Variants in EGFR observed in about 807,000 individuals in gnomAD.
EGFR encodes avian erythroblastic leukemia viral (v-erb-b) oncogene homolog.
Under a neutral mutation model 143.0 loss-of-function variants are expected in EGFR, and 58 were observed. The observed-to-expected ratio is 0.41, with a 90% CI of 0.33 to 0.50. The LOEUF (loss-of-function observed/expected upper bound fraction) is 0.50. EGFR is among the 20% of genes least tolerant of loss of function. The probability of loss-of-function intolerance (pLI) is 0.39; values close to 1 mark genes in which losing one functional copy is unlikely to be tolerated. For missense variants in EGFR, 1,307 were observed against 1,579.0 expected (o/e 0.83, Z 2.92); for synonymous variants, 613 against 594.4 (o/e 1.03, Z -0.45).
chr7:55,049,619 C>T (rs1788369435), intron 1 of EGFR, among the ~76,000 whole-genome samples: 1 of 152,168 alleles, frequency 6.6e-6, no homozygotes, highest in Non-Finnish European at 1.5e-5. Context: ...CTCCTCCCCT[C>T]CCCTCTCCAG....
chr7:55,103,984 G>C (rs139527471), intron 1 of EGFR, among the ~76,000 whole-genome samples: 1 of 152,130 alleles, frequency 6.6e-6, no homozygotes, highest in Non-Finnish European at 1.5e-5. Flanking sequence ...ATGCCAGAAG[G>C]GTAGAAGTTC....
intron 25 of EGFR, 152 bp from the exon 26 acceptor site, chr7:55,201,583 A>T (rs1787851095): frequency 2.5e-6 from 3 of 1,184,350 alleles, no homozygotes; most frequent in Admixed American, 1.9e-5. Context: ...ATTAAATCAA[A>T]ACTAAACCTA....
At chr7:55,133,340 T>C (rs114068492) in intron 1 of EGFR, among the ~76,000 whole-genome samples, 1,843 of 152,298 alleles carry the variant, frequency 0.012, 35 homozygotes, top group African/African-American at 0.043. Context: ...TGGGCTGGGC[T>C]GTGCAGTCTG....
intron 1 of EGFR, among the ~76,000 whole-genome samples, chr7:55,030,645 C>T (rs1479680658): frequency 6.6e-6 from 1 of 152,160 alleles, no homozygotes; most frequent in Admixed American, 6.5e-5. Context: ...GTAGTAATTC[C>T]CTTACATAGA....
chr7:55,193,693 G>A (rs747688025), intron 22 of EGFR, among the ~76,000 whole-genome samples: 3 of 152,176 alleles, frequency 2.0e-5, no homozygotes, highest in South Asian at 2.1e-4. Flanking sequence ...GGGAGGAGTC[G>A]CCTCACCTCT....
At chr7:55,144,780 A>G (rs1452094484) in intron 3 of EGFR, among the ~76,000 whole-genome samples, 1 of 152,184 alleles carries the variant, frequency 6.6e-6, no homozygotes, top group African/African-American at 2.4e-5. Flanking sequence ...CCTCCGAGCC[A>G]GACCCTCTGG....
chr7:55,030,102 G>A (rs1011160017), intron 1 of EGFR, among the ~76,000 whole-genome samples: 7 of 152,250 alleles, frequency 4.6e-5, no homozygotes, highest in South Asian at 2.1e-4. Context: ...GCTGTTGTCC[G>A]TAATCACCAG....
At chr7:55,108,032 T>C (rs948444087) in intron 1 of EGFR, among the ~76,000 whole-genome samples, 2 of 152,232 alleles carry the variant, frequency 1.3e-5, no homozygotes, top group African/African-American at 4.8e-5. Flanking sequence ...TCTTTAGTTA[T>C]TGTGTTTGAA....
chr7:55,155,408 C>T (rs1348412176), intron 7 of EGFR, among the ~76,000 whole-genome samples: 1 of 152,246 alleles, frequency 6.6e-6, no homozygotes, highest in African/African-American at 2.4e-5. Flanking sequence ...CACCACTGCA[C>T]TCCAGCCTGG....
chr7:55,170,859 G>A, intron 15 of EGFR: 1 of 1,411,734 alleles, frequency 7.1e-7, no homozygotes, highest in East Asian at 2.6e-5. Context: ...TGAAATTCTA[G>A]AGCCAGCTGT....
At chr7:55,185,627 A>G (rs999299446) in intron 20 of EGFR, among the ~76,000 whole-genome samples, 3 of 152,222 alleles carry the variant, frequency 2.0e-5, no homozygotes, top group African/African-American at 4.8e-5. Context: ...CACCTAATGC[A>G]GATTACAGTC....
chr7:55,041,420 A>G (rs1787894169), intron 1 of EGFR, among the ~76,000 whole-genome samples: 1 of 152,120 alleles, frequency 6.6e-6, no homozygotes, highest in Admixed American at 6.5e-5. Context: ...CAAAAAAAAA[A>G]GAAGTAAGAA....
At chr7:55,101,518 A>G (rs1016325606) in intron 1 of EGFR, among the ~76,000 whole-genome samples, 4 of 152,272 alleles carry the variant, frequency 2.6e-5, no homozygotes, top group Admixed American at 1.3e-4. Flanking sequence ...ATGAAATCCT[A>G]TCAGCCAGCC....
chr7:55,176,770 A>G (rs1006022429), intron 19 of EGFR, among the ~76,000 whole-genome samples: 1 of 148,856 alleles, frequency 6.7e-6, no homozygotes, highest in African/African-American at 2.4e-5. Context: ...GAATATAGAT[A>G]TCTATATATA....
chr7:55,138,511 A>G (rs1794284391), intron 1 of EGFR, among the ~76,000 whole-genome samples: 1 of 152,178 alleles, frequency 6.6e-6, no homozygotes, highest in African/African-American at 2.4e-5. Context: ...TAAATATTCT[A>G]TAAAGTAACT....
At chr7:55,099,966 A>AG (rs1791706329) in intron 1 of EGFR, among the ~76,000 whole-genome samples, 1 of 152,230 alleles carries the variant, frequency 6.6e-6, no homozygotes, top group Non-Finnish European at 1.5e-5. Flanking sequence ...AGATAATACA[A>AG]GGGGGGCTGC....
intron 1 of EGFR, among the ~76,000 whole-genome samples, chr7:55,060,473 C>T (rs988241894): frequency 6.6e-6 from 1 of 152,176 alleles, no homozygotes; most frequent in African/African-American, 2.4e-5. Context: ...TATAATGAGG[C>T]AAAACAAACA....
chr7:55,037,281 G>T (rs2128867303), intron 1 of EGFR, among the ~76,000 whole-genome samples: 1 of 152,284 alleles, frequency 6.6e-6, no homozygotes, highest in African/African-American at 2.4e-5. Context: ...AAGCTGCTGG[G>T]TACAGGGTTA....
chr7:55,107,768 T>C (rs1420291829), intron 1 of EGFR, among the ~76,000 whole-genome samples: 2 of 152,258 alleles, frequency 1.3e-5, no homozygotes, highest in African/African-American at 2.4e-5. Flanking sequence ...ATATGCTATA[T>C]AGAGTTTGCC....
Sources: gnomAD v4.1 joint callset for allele counts (sites outside exome capture counted in the v4.1 genomes callset) on GRCh38, gnomAD v4.1.1 for gene constraint, MANE v1.5 for transcripts, NCBI Gene and HGNC (gene_info 2026-07-23, HGNC 2026-07-21) for gene names.